CSMD1: variants seen among roughly 807,000 people sequenced by gnomAD.
CSMD1 encodes CUB and Sushi multiple domains 1.
A neutral mutation model predicts 417.5 loss-of-function variants in CSMD1; 213 were observed. The ratio of observed to expected loss-of-function variants is 0.51; its 90% CI spans 0.46 to 0.57. CSMD1 has a LOEUF of 0.57. Among genes scored for constraint, CSMD1 ranks in the 20% least tolerant of loss-of-function variants. The probability of loss-of-function intolerance (pLI) is 0.00; values close to 1 mark genes in which losing one functional copy is unlikely to be tolerated. For synonymous variants in CSMD1, 2,862 were observed against 1,736.8 expected, an observed-to-expected ratio of 1.65 and a Z score of -16.11; for missense variants, 6,923 against 4,529.7, an observed-to-expected ratio of 1.53 and a Z score of -15.17.
At chr8:4,435,158 A>G (rs1022379546) in intron 2 of CSMD1, among the ~76,000 whole-genome samples, 1 of 152,204 alleles carries the variant, frequency 6.6e-6, no homozygotes, top group African/African-American at 2.4e-5. Context: ...TTATTTTTAT[A>G]AATATAACAA....
At position 3,338,253 on chromosome 8, in the gene CSMD1, C is replaced by G. The variant is rs149767925; in HGVS notation, c.3631+5041G>C. Among the ~76,000 whole-genome samples the G allele has an allele frequency of 2.6e-5, 4 of 152,294 alleles. No individual in the cohort carries two copies. In the East Asian group the frequency reaches 7.7e-4, roughly 29 times the overall value. ...TGTCCAGGTCACCCTGGCATCCACG[C>G]CTCTATGCCCAGGGAGTGGCTTAGT... On this transcript the variant is annotated intron_variant, in intron 23 of 69. Coordinates refer to ENST00000635120, the MANE Select transcript of CSMD1 (RefSeq NM_033225.6).
At chr8:3,757,877 C>T (rs1022717939) in intron 5 of CSMD1, among the ~76,000 whole-genome samples, 8 of 149,744 alleles carry the variant, frequency 5.3e-5, no homozygotes, top group Admixed American at 3.3e-4. Flanking sequence ...ACAAAAAAAA[C>T]CAACAACAAA....
At chr8:2,965,289 C>T (rs1486608127) in intron 59 of CSMD1, among the ~76,000 whole-genome samples, 1 of 152,160 alleles carries the variant, frequency 6.6e-6, no homozygotes, top group African/African-American at 2.4e-5. Flanking sequence ...CCTTCTCGGC[C>T]AGTGTCATCT....
chr8:4,216,513 C>A (rs1385102497), intron 3 of CSMD1, among the ~76,000 whole-genome samples: 7 of 152,078 alleles, frequency 4.6e-5, no homozygotes, highest in African/African-American at 1.7e-4. Flanking sequence ...TTATTCAGTA[C>A]CCCCACGGGA....
chr8:3,269,338 C>T (rs563875769), intron 26 of CSMD1, among the ~76,000 whole-genome samples: 2 of 152,316 alleles, frequency 1.3e-5, no homozygotes, highest in East Asian at 1.9e-4. Context: ...GCTCCAGCTA[C>T]GCTTGTCTTG....
chr8:3,932,094 C>T (rs1031488012), intron 5 of CSMD1, among the ~76,000 whole-genome samples: 2 of 150,214 alleles, frequency 1.3e-5, no homozygotes, highest in South Asian at 4.3e-4. Context: ...TGACACACAT[C>T]CAGAATAACA....
At chr8:3,911,790 C>A (rs1160568291) in intron 5 of CSMD1, among the ~76,000 whole-genome samples, 5 of 152,192 alleles carry the variant, frequency 3.3e-5, no homozygotes, top group Admixed American at 6.5e-5. Flanking sequence ...TCTCAATAGA[C>A]TGAAACTTGT....
intron 3 of CSMD1, among the ~76,000 whole-genome samples, chr8:4,351,248 T>C (rs977435694): frequency 6.6e-6 from 1 of 152,216 alleles, no homozygotes; most frequent in Non-Finnish European, 1.5e-5. Context: ...ATCTACATCC[T>C]GTCTTTCTAA....
At chr8:4,510,170 A>T (rs528365745) in intron 2 of CSMD1, among the ~76,000 whole-genome samples, 13 of 152,034 alleles carry the variant, frequency 8.6e-5, no homozygotes, top group African/African-American at 3.1e-4. Context: ...GGAAGACGTG[A>T]CTTTGCTCCT....
chr8:3,138,779 C>G (rs965217297), intron 41 of CSMD1, among the ~76,000 whole-genome samples: 4 of 152,144 alleles, frequency 2.6e-5, no homozygotes, highest in African/African-American at 9.7e-5. Context: ...GAACCACAGC[C>G]TGGGAGACAG....
intron 2 of CSMD1, among the ~76,000 whole-genome samples, chr8:4,572,110 A>T (rs1412207244): frequency 3.3e-5 from 5 of 152,298 alleles, no homozygotes; most frequent in Admixed American, 2.6e-4. Context: ...CATTTAGCCC[A>T]TTTAAATTTA....
At chr8:4,404,127 T>A (rs1281718736) in intron 3 of CSMD1, among the ~76,000 whole-genome samples, 1 of 152,048 alleles carries the variant, frequency 6.6e-6, no homozygotes, top group African/African-American at 2.4e-5. Flanking sequence ...TCCACGCGAG[T>A]GTTTATCTTT....
chr8:4,254,882 A>G (rs571339849), intron 3 of CSMD1, among the ~76,000 whole-genome samples: 12 of 152,282 alleles, frequency 7.9e-5, no homozygotes, highest in African/African-American at 2.4e-4. Context: ...TCACACAAAC[A>G]AAGATGAAAT....
intron 7 of CSMD1, among the ~76,000 whole-genome samples, chr8:3,638,733 C>T (rs926396217): frequency 1.3e-5 from 2 of 152,156 alleles, no homozygotes; most frequent in African/African-American, 2.4e-5. Flanking sequence ...CAGAATGTAG[C>T]TGTGAACTCA....
intron 50 of CSMD1, among the ~76,000 whole-genome samples, chr8:3,031,991 C>T (rs1451216388): frequency 5.2e-5 from 7 of 135,788 alleles, no homozygotes; most frequent in African/African-American, 1.4e-4. Context: ...TATATATATA[C>T]ACATAATATA....
intron 6 of CSMD1, among the ~76,000 whole-genome samples, chr8:3,732,913 C>G (rs978725141): frequency 6.6e-6 from 1 of 152,146 alleles, no homozygotes; most frequent in Non-Finnish European, 1.5e-5. Flanking sequence ...TATCTATCAT[C>G]TATCATACAA....
chr8:4,183,026 A>G (rs992899445), intron 3 of CSMD1, among the ~76,000 whole-genome samples: 4 of 152,216 alleles, frequency 2.6e-5, no homozygotes, highest in Admixed American at 6.5e-5. Flanking sequence ...GGATGAGTAG[A>G]AAGTACACGT....
chr8:3,695,318 A>G (rs184500773), intron 7 of CSMD1, among the ~76,000 whole-genome samples: 45 of 152,238 alleles, frequency 3.0e-4, no homozygotes, highest in Admixed American at 6.5e-4. Context: ...GCCCTTTACC[A>G]AAAAACACTT....
chr8:3,046,716 C>G (rs1811469194), intron 50 of CSMD1, among the ~76,000 whole-genome samples: 1 of 152,168 alleles, frequency 6.6e-6, no homozygotes, highest in Non-Finnish European at 1.5e-5. Flanking sequence ...GCAGCCTTCC[C>G]CGCAGCAGCT....
Sources: gnomAD v4.1 joint callset for allele counts (sites outside exome capture counted in the v4.1 genomes callset) on GRCh38, gnomAD v4.1.1 for gene constraint, MANE v1.5 for transcripts, NCBI Gene and HGNC (gene_info 2026-07-23, HGNC 2026-07-21) for gene names.